Variants in GCC2 observed in about 807,000 individuals in gnomAD.
GCC2 encodes the protein GRIP and coiled-coil domain-containing protein 2.
Under a neutral mutation model 210.6 loss-of-function variants are expected in GCC2, and 120 were observed. The observed-to-expected ratio is 0.57, with a 90% CI of 0.49 to 0.66. The LOEUF is 0.66. Ranked by LOEUF, GCC2 falls within the 30% of genes least tolerant of loss-of-function variation. GCC2 has a pLI of 0.00. For missense variants in GCC2, 1,868 were observed against 1,871.9 expected, an observed-to-expected ratio of 1.00 and a Z score of 0.04; for synonymous variants, 703 against 652.7, an observed-to-expected ratio of 1.08 and a Z score of -1.17.
At chr2:108,482,945 G>C in intron 11 of GCC2, 117 bp from the exon 12 acceptor site, 1 of 638,428 alleles carries the variant, frequency 1.6e-6, no homozygotes, top group South Asian at 1.7e-5. Flanking sequence ...CTCCCAAAGT[G>C]CTGGGATTAC....
At chr2:108,476,808 T>A (rs1681555957) in intron 9 of GCC2, among the ~76,000 whole-genome samples, 1 of 151,778 alleles carries the variant, frequency 6.6e-6, no homozygotes, top group African/African-American at 2.4e-5. Flanking sequence ...CTTAAAAAAA[T>A]CCCAATGGCA....
At chr2:108,455,626 T>C (rs1016383817) in intron 4 of GCC2, among the ~76,000 whole-genome samples, 2 of 152,200 alleles carry the variant, frequency 1.3e-5, no homozygotes, top group Non-Finnish European at 2.9e-5. Context: ...GTATTTATCA[T>C]ATATATGTGT....
At chr2:108,477,641 G>A (rs1397779725) in intron 9 of GCC2, among the ~76,000 whole-genome samples, 1 of 152,152 alleles carries the variant, frequency 6.6e-6, no homozygotes, top group Non-Finnish European at 1.5e-5. Flanking sequence ...ATACCAAAAT[G>A]TATTCTGGAT....
chr2:108,463,224 T>A (rs919395664), intron 4 of GCC2, among the ~76,000 whole-genome samples: 1 of 152,216 alleles, frequency 6.6e-6, no homozygotes, highest in Non-Finnish European at 1.5e-5. Flanking sequence ...GATCTGTTGC[T>A]AGAGAATTAT....
chr2:108,475,507 A>T, intron 7 of GCC2, 28 bp from the exon 8 acceptor site: 1 of 1,082,320 alleles, frequency 9.2e-7, no homozygotes, highest in Non-Finnish European at 1.3e-6. Context: ...TTGAGTTCGT[A>T]TGTAATCCAT....
At chr2:108,476,997 A>C (rs1336525013) in intron 9 of GCC2, among the ~76,000 whole-genome samples, 1 of 152,132 alleles carries the variant, frequency 6.6e-6, no homozygotes, top group Non-Finnish European at 1.5e-5. Flanking sequence ...AATGAAGAAA[A>C]CTGCAAAACT....
At chr2:108,475,923 A>G in intron 9 of GCC2, 73 bp downstream of exon 9, 6 of 778,536 alleles carry the variant, frequency 7.7e-6, no homozygotes, top group Non-Finnish European at 1.3e-5. Context: ...AATGTAGTGG[A>G]AATGTAAAAC....
At chr2:108,498,055 C>A (rs1252700400) in intron 21 of GCC2, among the ~76,000 whole-genome samples, 2 of 152,006 alleles carry the variant, frequency 1.3e-5, no homozygotes, top group African/African-American at 2.4e-5. Context: ...TCATGACATT[C>A]CACCATTAAA....
chr2:108,471,379 T>A lies in GCC2; in HGVS notation c.2050T>A (p.Ser684Thr). ...KVLSEDKEVLSAEVKSLYEEN... is the reference protein window; with the variant it reads ...KVLSEDKEVLTAEVKSLYEEN... ...TCTCTCTGAAGACAAAGAAGTATTG[T>A]CAGCTGAAGTGAAGTCTCTTTATGA... The change falls in exon 6 of 23, where the codon TCA becomes ACA. Residue 684 changes from serine to threonine, a missense_variant. Transcript: ENST00000309863. 1 of 1,608,556 alleles carries A rather than the reference T, an allele frequency of 6.2e-7. No homozygotes were observed. The highest frequency in any genetic ancestry group is 8.5e-7 in the Non-Finnish European group (1 of 1,178,606).
intron 20 of GCC2, chr2:108,495,696 G>T: frequency 2.8e-6 from 1 of 357,914 alleles, no homozygotes; most frequent in Non-Finnish European, 5.3e-6. Context: ...TGCTTATTAA[G>T]TATTACCTTA....
At chr2:108,453,200 G>A (rs899761791) in intron 4 of GCC2, among the ~76,000 whole-genome samples, 3 of 152,102 alleles carry the variant, frequency 2.0e-5, no homozygotes, top group Non-Finnish European at 4.4e-5. Context: ...CAACCAAATT[G>A]CTTCCCTTGG....
chr2:108,452,603 G>T, intron 4 of GCC2, 137 bp downstream of exon 4: 3 of 612,690 alleles, frequency 4.9e-6, no homozygotes, highest in Non-Finnish European at 8.9e-6. Flanking sequence ...CTGATTCACT[G>T]TAAAAAGAGG....
At chr2:108,464,695 C>T (rs796864916) in intron 4 of GCC2, among the ~76,000 whole-genome samples, 11 of 152,034 alleles carry the variant, frequency 7.2e-5, no homozygotes, top group African/African-American at 2.7e-4. Flanking sequence ...GCCATTTTTG[C>T]ATTGCTATGA....
In GCC2 at chr2:108,482,342, A is replaced by T; in HGVS notation, c.3236A>T (p.Gln1079Leu). The T allele has an allele frequency of 1.3e-6, 2 of 1,582,482 alleles. No homozygotes were observed. Among genetic ancestry groups the T allele is most frequent in the Non-Finnish European group, 1.7e-6 (2 of 1,152,088 alleles). ...CTCCTGGCTCGTATTGAGACATTAC[A>T]GTCTAATGCCAAATTATTAGAAGTA... ...EDLLARIETL[Q>L]SNAKLLEVQI... The change falls in exon 11 of 23, where the codon CAG becomes CTG. Residue 1079 changes from glutamine (Q) to leucine (L), a missense_variant. By Grantham distance (113) the Gln-to-Leu change is moderately radical. Around this residue, in one of 3 missense-constraint regions of GCC2, gnomAD observed 1,847 missense variants for 1,765.2 expected, o/e 1.05. Coordinates refer to ENST00000309863, the MANE Select transcript of GCC2 (RefSeq NM_181453.4).
intron 4 of GCC2, among the ~76,000 whole-genome samples, chr2:108,453,988 TTTTA>T (rs1222180301): frequency 3.3e-5 from 5 of 151,938 alleles, no homozygotes; most frequent in African/African-American, 7.2e-5. Context: ...ATTTATTTAT[TTTTA>T]TTTATTTATT....
intron 22 of GCC2, among the ~76,000 whole-genome samples, chr2:108,506,842 A>C (rs1327036618): frequency 6.6e-6 from 1 of 151,564 alleles, no homozygotes; most frequent in African/African-American, 2.4e-5. Context: ...ATAACATCAA[A>C]GTATATTGTG....
intron 2 of GCC2, 73 bp downstream of exon 2, chr2:108,449,762 G>C: frequency 3.4e-6 from 4 of 1,173,662 alleles, no homozygotes; most frequent in Non-Finnish European, 5.0e-6. Flanking sequence ...TTGGCATGGG[G>C]AAGGGGGGGG....
rs771135360 is a variant in GCC2, at chr2:108,451,090, G to A, written c.126G>A (p.Gln42=). The A allele has an allele frequency of 2.5e-6, 4 of 1,608,624 alleles. No homozygotes were observed. The highest frequency in any genetic ancestry group is 2.2e-5 in the East Asian group (1 of 44,830). The part of the protein sequence containing the change: ...KFAKKQMMLI[Q]KAKSRCTELE... ...CCAAGAAACAGATGATGCTAATACA[G>A]AAAGCTAAATCAAGGTGTACAGGTA... The change falls in exon 3 of 23, where the codon CAG becomes CAA. Residue 42 remains glutamine, a synonymous_variant. Transcript: ENST00000309863.
intron 17 of GCC2, 114 bp from the exon 18 acceptor site, chr2:108,489,724 T>C: frequency 1.7e-6 from 1 of 578,080 alleles, no homozygotes; most frequent in Non-Finnish European, 3.0e-6. Context: ...ATATTTCCTT[T>C]AGAATCATCC....
Sources: gnomAD v4.1 joint callset for allele counts (sites outside exome capture counted in the v4.1 genomes callset) on GRCh38, gnomAD v4.1.1 for gene constraint, gnomAD v4.1.1 regional missense constraint, MANE v1.5 for transcripts, NCBI Gene and HGNC (gene_info 2026-07-23, HGNC 2026-07-21) for gene names.